RORA: variants seen among roughly 807,000 people sequenced by gnomAD.
The protein encoded by RORA is RAR related orphan receptor A.
A neutral mutation model predicts 69.5 loss-of-function variants in RORA; 7 were observed. The observed-to-expected ratio is 0.10, with a 90% CI of 0.06 to 0.19. RORA has a LOEUF of 0.19. Ranked by LOEUF, RORA falls within the 10% of genes least tolerant of loss-of-function variation. The pLI, the probability that RORA is intolerant of heterozygous loss-of-function variation, is 1.00. For synonymous variants in RORA, 261 were observed against 240.8 expected, an observed-to-expected ratio of 1.08 and a Z score of -0.78; for missense variants, 457 against 663.0, an observed-to-expected ratio of 0.69 and a Z score of 3.41.
chr15:60,870,945 T>TCA (rs1183108875), intron 1 of RORA, among the ~76,000 whole-genome samples: 2 of 152,348 alleles, frequency 1.3e-5, no homozygotes, highest in Non-Finnish European at 2.9e-5. Context: ...CTTAACTCTC[T>TCA]CAGTTACTCT....
intron 1 of RORA, among the ~76,000 whole-genome samples, chr15:60,761,821 T>C (rs1314887756): frequency 6.6e-6 from 1 of 152,156 alleles, no homozygotes; most frequent in Non-Finnish European, 1.5e-5. Flanking sequence ...GGCACACTTA[T>C]GCACGGTTCA....
intron 1 of RORA, among the ~76,000 whole-genome samples, chr15:60,723,086 C>T (rs2071313418): frequency 6.6e-6 from 1 of 152,098 alleles, no homozygotes. Context: ...GACAGTTGAA[C>T]TTCACTTATT....
intron 1 of RORA, among the ~76,000 whole-genome samples, chr15:61,133,507 G>C (rs1038278144): frequency 6.6e-6 from 1 of 152,186 alleles, no homozygotes; most frequent in East Asian, 1.9e-4. Context: ...GAAACCCGGA[G>C]AGTTGAGGGC....
intron 1 of RORA, among the ~76,000 whole-genome samples, chr15:60,741,306 G>T (rs1178226226): frequency 6.6e-6 from 1 of 152,124 alleles, no homozygotes; most frequent in African/African-American, 2.4e-5. Flanking sequence ...TACCTTGCAG[G>T]GGCTGCGTGC....
chr15:60,642,959 C>G (rs2069970514), intron 2 of RORA, among the ~76,000 whole-genome samples: 1 of 152,078 alleles, frequency 6.6e-6, no homozygotes, highest in South Asian at 2.1e-4. Flanking sequence ...GAGTTTGAGA[C>G]CAGCCTGAGC....
At chr15:60,788,339 T>G (rs2072368328) in intron 1 of RORA, among the ~76,000 whole-genome samples, 1 of 152,100 alleles carries the variant, frequency 6.6e-6, no homozygotes. Context: ...TGTGCTAAGT[T>G]CATGGCTGGT....
chr15:60,697,496 A>G (rs2070921847), intron 1 of RORA, among the ~76,000 whole-genome samples: 1 of 152,130 alleles, frequency 6.6e-6, no homozygotes, highest in Non-Finnish European at 1.5e-5. Flanking sequence ...ACAAAACCTC[A>G]TTGAACCATC....
At chr15:60,780,915 G>GTCATGCAATCTTCCAAGTGC (rs2072243778) in intron 1 of RORA, among the ~76,000 whole-genome samples, 1 of 152,172 alleles carries the variant, frequency 6.6e-6, no homozygotes, top group Non-Finnish European at 1.5e-5. Context: ...CTTACCAGGG[G>GTCATGCAATCTTCCAAGTGC]TCATGCAATC....
At chr15:60,738,246 A>T (rs754512567) in intron 1 of RORA, among the ~76,000 whole-genome samples, 2 of 152,254 alleles carry the variant, frequency 1.3e-5, no homozygotes, top group Non-Finnish European at 2.9e-5. Flanking sequence ...CCTCTCACAG[A>T]TATTAAAAGC....
At chr15:60,754,041 T>C (rs2071762912) in intron 1 of RORA, among the ~76,000 whole-genome samples, 1 of 152,230 alleles carries the variant, frequency 6.6e-6, no homozygotes, top group African/African-American at 2.4e-5. Flanking sequence ...CTCAACCTCC[T>C]CTCAATGAGT....
At chr15:61,216,064 C>T (rs957963577) in intron 1 of RORA, among the ~76,000 whole-genome samples, 66 of 152,190 alleles carry the variant, frequency 4.3e-4, no homozygotes, top group African/African-American at 1.5e-3. Flanking sequence ...CTCAGAAAGA[C>T]AGGATTCCAT....
At chr15:60,714,115 G>A (rs533363543) in intron 1 of RORA, among the ~76,000 whole-genome samples, 14 of 151,700 alleles carry the variant, frequency 9.2e-5, no homozygotes, top group South Asian at 6.2e-4. Context: ...GTGCAATGGC[G>A]TGGTCTCAGC....
intron 1 of RORA, among the ~76,000 whole-genome samples, chr15:61,055,718 C>T (rs1158632170): frequency 1.3e-5 from 2 of 152,186 alleles, no homozygotes; most frequent in African/African-American, 4.8e-5. Flanking sequence ...AATTTCCCTC[C>T]TATATTTTTA....
At chr15:60,802,250 T>C (rs922307721) in intron 1 of RORA, among the ~76,000 whole-genome samples, 1 of 152,244 alleles carries the variant, frequency 6.6e-6, no homozygotes, top group Non-Finnish European at 1.5e-5. Context: ...TTTCCTCATC[T>C]GCGTATGTGA....
intron 1 of RORA, among the ~76,000 whole-genome samples, chr15:61,122,514 G>T (rs1423631689): frequency 6.6e-6 from 1 of 152,128 alleles, no homozygotes; most frequent in African/African-American, 2.4e-5. Flanking sequence ...ACTGGGTCTA[G>T]TAAAGCCGTA....
intron 1 of RORA, among the ~76,000 whole-genome samples, chr15:60,977,248 G>T (rs8031801): frequency 6.6e-6 from 1 of 151,738 alleles, no homozygotes; most frequent in African/African-American, 2.4e-5. Context: ...GGAGGGGGTC[G>T]TAAATGCAAT....
chr15:60,586,681 C>T (rs1201028808), intron 2 of RORA, among the ~76,000 whole-genome samples: 2 of 152,162 alleles, frequency 1.3e-5, no homozygotes, highest in African/African-American at 2.4e-5. Context: ...AGTTCCCCAT[C>T]GTTGGAGGTG....
intron 1 of RORA, among the ~76,000 whole-genome samples, chr15:60,688,990 C>A (rs2070785217): frequency 1.3e-5 from 2 of 152,166 alleles, no homozygotes; most frequent in Admixed American, 1.3e-4. Context: ...GCCCTTTCAT[C>A]AGGACCTCCT....
At chr15:61,205,421 T>A (rs1596071213) in intron 1 of RORA, among the ~76,000 whole-genome samples, 2 of 152,168 alleles carry the variant, frequency 1.3e-5, no homozygotes, top group African/African-American at 4.8e-5. Flanking sequence ...CAAGCCACAG[T>A]CGCAGGTTGT....
Sources: gnomAD v4.1 joint callset for allele counts (sites outside exome capture counted in the v4.1 genomes callset) on GRCh38, gnomAD v4.1.1 for gene constraint, MANE v1.5 for transcripts, NCBI Gene and HGNC (gene_info 2026-07-23, HGNC 2026-07-21) for gene names.